CRAMP1: variants seen among roughly 807,000 people sequenced by gnomAD.
CRAMP1 encodes the protein cramped chromatin regulator 1, also known as protein cramped-like.
In CRAMP1, 50 loss-of-function variants were observed where a neutral mutation model predicts 115.4. The observed-to-expected ratio is 0.43, with a 90% CI of 0.35 to 0.55. The LOEUF (loss-of-function observed/expected upper bound fraction) is 0.55, where lower values mean the gene tolerates loss of function less well. CRAMP1 is among the 20% of genes least tolerant of loss of function. CRAMP1 has a pLI of 0.01. For synonymous variants in CRAMP1, 866 were observed against 745.4 expected (o/e 1.16, Z -2.64); for missense variants, 1,679 against 1,721.7 (o/e 0.98, Z 0.44).
chr16:1,662,910 C>T (rs1280682727), intron 13 of CRAMP1, 75 bp downstream of exon 13: 1 of 1,182,946 alleles, frequency 8.5e-7, no homozygotes, highest in East Asian at 2.5e-5. Context: ...TTCCCTCTCT[C>T]ACATTTTCAT....
intron 11 of CRAMP1, 60 bp downstream of exon 11, chr16:1,660,123 CAG>C (rs2036815737): frequency 1.4e-6 from 2 of 1,393,528 alleles, no homozygotes; most frequent in African/African-American, 2.9e-5. Context: ...CCTCAGGCTT[CAG>C]GGGCCGTGCC....
rs371802524 is a variant in CRAMP1 at position 1,666,895 on chromosome 16, G to A, written c.3036+295G>A. On this transcript the variant is annotated intron_variant, in intron 16 of 20. Transcript: ENST00000397412. This position sits in a 1 kb window ranked among gnomAD's most constrained non-coding sequence, Gnocchi z 5.0. Reference sequence around the variant, plus strand: ...CATAACCAAGGTGGCAGCCCACAGCGCTGTGCTCGGACACCACTGAGCATC... The same window carrying A: ...CATAACCAAGGTGGCAGCCCACAGCACTGTGCTCGGACACCACTGAGCATC... Among the ~76,000 whole-genome samples the A allele has an allele frequency of 2.0e-5, 3 of 152,236 alleles. No individual in the cohort carries two copies. Among genetic ancestry groups the A allele is most frequent in the Non-Finnish European group, 2.9e-5 (2 of 68,030 alleles).
intron 2 of CRAMP1, among the ~76,000 whole-genome samples, chr16:1,616,436 T>A (rs528677382): frequency 6.6e-6 from 1 of 152,232 alleles, no homozygotes; most frequent in Non-Finnish European, 1.5e-5. Context: ...TGAGAGCAGC[T>A]ACTTCACCCC....
At chr16:1,673,615 T>G (rs554742267) in intron 20 of CRAMP1, among the ~76,000 whole-genome samples, 1 of 152,334 alleles carries the variant, frequency 6.6e-6, no homozygotes, top group Admixed American at 6.5e-5. Context: ...CCCATAGGTC[T>G]CATGGCGGGC....
chr16:1,674,402 G>T lies in CRAMP1; in HGVS notation c.*357G>T. The T allele has an allele frequency of 3.7e-6, 1 of 269,426 alleles. No individual in the cohort carries two copies. The highest frequency in any genetic ancestry group is 7.2e-6 in the Non-Finnish European group (1 of 138,700). The allele number at this position is 269,426 out of a possible 1,614,324, so 16.7% of individuals were successfully genotyped here. On this transcript the variant is annotated 3_prime_UTR_variant, in exon 21 of 21. Coordinates refer to ENST00000397412, the MANE Select transcript of CRAMP1 (RefSeq NM_020825.4). ...CCTTCTGAGACAAGGGAGTATGTGT[G>T]CCTTGGTGTAGTTGCTGTGCACTAG...
chr16:1,648,830 G>A (rs952406260), intron 6 of CRAMP1, among the ~76,000 whole-genome samples: 4 of 152,106 alleles, frequency 2.6e-5, no homozygotes, highest in Non-Finnish European at 5.9e-5. Flanking sequence ...AGGCCGAGGC[G>A]GGCGGATCAC....
intron 8 of CRAMP1, among the ~76,000 whole-genome samples, chr16:1,653,744 C>T (rs1596492816): frequency 6.8e-6 from 1 of 147,964 alleles, no homozygotes; most frequent in African/African-American, 2.5e-5. Context: ...TGACGTGAAC[C>T]CGGGAGGCGG....
chr16:1,643,966 A>G (rs1388647095), intron 6 of CRAMP1, among the ~76,000 whole-genome samples: 1 of 152,252 alleles, frequency 6.6e-6, no homozygotes, highest in African/African-American at 2.4e-5. Context: ...CTTTTTCTTA[A>G]GGAAGCTAGT....
intron 2 of CRAMP1, chr16:1,620,731 G>C (rs1455705994): frequency 2.2e-6 from 1 of 454,234 alleles, no homozygotes; most frequent in East Asian, 7.0e-5. Flanking sequence ...GGCTGAGGGA[G>C]GGACTTTGAG....
chr16:1,670,528 C>T (rs2036913227), intron 19 of CRAMP1, 136 bp from the exon 20 acceptor site: 1 of 899,644 alleles, frequency 1.1e-6, no homozygotes, highest in African/African-American at 1.7e-5. Context: ...CTCGGAAGCT[C>T]TTCGCACAAG....
chr16:1,618,197 G>A lies in CRAMP1; in HGVS notation c.346+3212G>A, dbSNP rs142086059. ...TAAAATAAACACCTGCCTCAGAATC[G>A]CTTGAACCCGGGAGGCGGAGGTTGC... On this transcript the variant is annotated intron_variant, in intron 2 of 20. Transcript: ENST00000397412. Among the ~76,000 whole-genome samples, 647 of 152,252 alleles carry A rather than the reference G, an allele frequency of 4.2e-3. 7 individuals are homozygous for A. The Middle Eastern group carries it at 0.048, about 11-fold the overall frequency.
chr16:1,665,100 T>G lies in CRAMP1; in HGVS notation c.2714T>G (p.Val905Gly). 1 of 1,613,358 alleles carries G rather than the reference T, an allele frequency of 6.2e-7. No homozygotes were observed. The highest frequency in any genetic ancestry group is 8.5e-7 in the Non-Finnish European group (1 of 1,179,384). Residue 905 changes from valine to glycine, a missense_variant, in exon 14 of 21, where the codon GTT (valine) becomes GGT (glycine). By Grantham distance (109) the Val-to-Gly change is moderately radical. Around this residue, in one of 8 missense-constraint regions of CRAMP1, gnomAD observed 709 missense variants for 741.9 expected, o/e 0.96. Coordinates refer to ENST00000397412, the MANE Select transcript of CRAMP1 (RefSeq NM_020825.4). ...CCATCGGAAAACCAGTCCCACAACGTTTGTTCCTTCTCCATCCTGTCTAAC... is the reference window on the plus strand; with the variant it reads ...CCATCGGAAAACCAGTCCCACAACGGTTGTTCCTTCTCCATCCTGTCTAAC... ...PRPSENQSHNVCSFSILSNSS... is the reference protein window; with the variant it reads ...PRPSENQSHNGCSFSILSNSS...
chr16:1,667,449 C>T (rs1483059989), intron 17 of CRAMP1, 49 bp downstream of exon 17: 4 of 1,448,234 alleles, frequency 2.8e-6, no homozygotes, highest in Non-Finnish European at 2.9e-6. Flanking sequence ...CCCAGGACTC[C>T]CTCCAGTGCC....
Position 1,614,605 on chromosome 16 carries a change from G to T in CRAMP1, c.-1-34G>T. 8.3e-7 allele frequency: 1 copy of T among 1,202,930 alleles called. No individual in the cohort carries two copies. Among genetic ancestry groups the T allele is most frequent in the Non-Finnish European group, 1.0e-6 (1 of 960,780 alleles). The allele number at this position is 1,202,930 out of a possible 1,614,324, so 74.5% of individuals were successfully genotyped here. ...CCGCTAAACTTCCCGGCCTGCGCCC[G>T]CCTCACCGGCCGCCTCCCCTCTCCC... On this transcript the variant is annotated intron_variant, in intron 1 of 20. Transcript: ENST00000397412. This position sits in a 1 kb window ranked among gnomAD's most constrained non-coding sequence, Gnocchi z 4.4.
intron 10 of CRAMP1, 130 bp from the exon 11 acceptor site, chr16:1,659,756 C>T: frequency 1.1e-6 from 1 of 895,388 alleles, no homozygotes; most frequent in East Asian, 2.6e-5. Flanking sequence ...CGTCTCTGGC[C>T]CTGGCCTTTG....
In CRAMP1 at chr16:1,662,757, A is replaced by G. The variant is rs1163427089; in HGVS notation, c.2596-4A>G. 1 of 1,613,822 alleles carries G rather than the reference A, an allele frequency of 6.2e-7. No homozygotes were observed. The highest frequency in any genetic ancestry group is 8.5e-7 in the Non-Finnish European group (1 of 1,179,866). ...TTCAGGTGCCGGACGCTGCTCCCTTACAGATGCAGTCGGATTTCTTCCTGC... is the reference window on the plus strand; with the variant it reads ...TTCAGGTGCCGGACGCTGCTCCCTTGCAGATGCAGTCGGATTTCTTCCTGC... On this transcript the variant is annotated splice_polypyrimidine_tract_variant and splice_region_variant and intron_variant, in intron 12 of 20. Transcript: ENST00000397412.
At chr16:1,648,931 C>T (rs891902237) in intron 6 of CRAMP1, among the ~76,000 whole-genome samples, 4 of 151,962 alleles carry the variant, frequency 2.6e-5, no homozygotes, top group South Asian at 2.1e-4. Flanking sequence ...TGGTGGCAGG[C>T]GCCTGTAGTC....
Position 1,653,058 on chromosome 16 carries a change from G to A in CRAMP1, c.939G>A (p.Lys313=). 6.2e-7 allele frequency: 1 copy of A among 1,611,796 alleles called. No individual in the cohort carries two copies. The highest frequency in any genetic ancestry group is 8.5e-7 in the Non-Finnish European group (1 of 1,179,114). ...PDGLSDEEDQ[K]PVRLPLKVPI... ...GCTTGAGTGATGAAGAGGACCAGAA[G>A]CCAGTGCGCCTGCCTCTGAAAGTCC... is the stretch of plus-strand genomic sequence containing the variant. The change falls in exon 8 of 21, where the codon AAG becomes AAA. Residue 313 remains lysine (K), a synonymous_variant. Transcript: ENST00000397412.
chr16:1,649,763 A>G lies in CRAMP1; in HGVS notation c.828-2733A>G, dbSNP rs1054228436. 4.9e-5 allele frequency among the ~76,000 whole-genome samples: 7 copies of G among 143,786 alleles called. No individual in the cohort carries two copies. In the East Asian group the frequency reaches 6.2e-4, roughly 13 times the overall value. 94.3% of individuals were successfully genotyped at this position (143,786 alleles called of 152,430 possible). On this transcript the variant is annotated intron_variant, in intron 6 of 20. Transcript: ENST00000397412. ...CTCGGCCTCCCAAAGAGCTGAGCCT[A>G]CAACAGTAGGCATGAGCCACTATTT... is the stretch of plus-strand genomic sequence containing the variant.
Sources: allele counts gnomAD v4.1 joint callset (sites outside exome capture counted in the v4.1 genomes callset), GRCh38; gene constraint gnomAD v4.1.1; regional missense constraint gnomAD v4.1.1; non-coding constraint Gnocchi (gnomAD v3.1); transcripts MANE v1.5; gene names NCBI Gene and HGNC (gene_info 2026-07-23, HGNC 2026-07-21).